Variants in RTF2 observed in about 807,000 individuals in gnomAD.
RTF2 encodes the protein UPF0549 protein C20orf43.
Under a neutral mutation model 38.0 loss-of-function variants are expected in RTF2, and 18 were observed. The ratio of observed to expected loss-of-function variants is 0.47; its 90% CI spans 0.33 to 0.70. The LOEUF (loss-of-function observed/expected upper bound fraction) is 0.70, where lower values mean the gene tolerates loss of function less well. Among genes scored for constraint, RTF2 ranks in the 30% least tolerant of loss-of-function variants. The pLI, the probability that RTF2 is intolerant of heterozygous loss-of-function variation, is 0.02. For synonymous variants in RTF2, 126 were observed against 137.1 expected, an observed-to-expected ratio of 0.92 and a Z score of 0.57; for missense variants, 311 against 379.6, an observed-to-expected ratio of 0.82 and a Z score of 1.50.
chr20:56,482,045 G>A (rs1396805335), intron 4 of RTF2, among the ~76,000 whole-genome samples: 2 of 152,114 alleles, frequency 1.3e-5, no homozygotes, highest in Non-Finnish European at 2.9e-5. Flanking sequence ...TTCTCCTTTG[G>A]TTTGCTGGTC....
chr20:56,470,378 G>T (rs1053036121), intron 1 of RTF2, among the ~76,000 whole-genome samples: 6 of 152,110 alleles, frequency 3.9e-5, no homozygotes, highest in African/African-American at 1.4e-4. Flanking sequence ...TAGGCAGGAT[G>T]GATTTTTATT....
intron 5 of RTF2, among the ~76,000 whole-genome samples, chr20:56,512,723 T>C (rs1228888142): frequency 6.6e-6 from 1 of 152,200 alleles, no homozygotes; most frequent in African/African-American, 2.4e-5. Context: ...GTGGTATGGA[T>C]GCACAGCTGG....
chr20:56,474,216 C>T (rs1391102218), intron 2 of RTF2, among the ~76,000 whole-genome samples: 1 of 152,206 alleles, frequency 6.6e-6, no homozygotes, highest in Non-Finnish European at 1.5e-5. Flanking sequence ...CCCATTGGCT[C>T]ATGCCTGTGA....
At chr20:56,514,421 A>C (rs1412434881) in intron 6 of RTF2, 1 of 152,160 alleles carries the variant, frequency 6.6e-6, no homozygotes, top group African/African-American at 2.4e-5. Flanking sequence ...AAGGCAAAAG[A>C]ATGCTTGAAG....
At chr20:56,508,430 T>A (rs1000800917) in intron 5 of RTF2, among the ~76,000 whole-genome samples, 2 of 152,214 alleles carry the variant, frequency 1.3e-5, no homozygotes, top group African/African-American at 4.8e-5. Context: ...TTGAAAGAAT[T>A]TTGTTATTAT....
chr20:56,515,692 A>G (rs1473634094), intron 6 of RTF2: 1 of 151,756 alleles, frequency 6.6e-6, no homozygotes, highest in African/African-American at 2.4e-5. Context: ...ACACACACAC[A>G]CGGAAAAAAT....
At chr20:56,503,382 A>G (rs768015482) in intron 5 of RTF2, among the ~76,000 whole-genome samples, 23 of 152,352 alleles carry the variant, frequency 1.5e-4, no homozygotes, top group Middle Eastern at 3.4e-3. Context: ...ACTCAAAACA[A>G]CGACAAGAAA....
In RTF2 at chr20:56,483,058, T is replaced by C. The variant is rs371930928; in HGVS notation, c.399-1053T>C. Among the ~76,000 whole-genome samples, 55 of 152,334 alleles carry C rather than the reference T, an allele frequency of 3.6e-4. No individual in the cohort carries two copies. In the South Asian group the frequency reaches 0.01, roughly 28 times the overall value. ...CTTGAATACAGATTTACCTTCTTTT[T>C]AATAGCCGTTTGGGTGTTTATAATT... On this transcript the variant is annotated intron_variant, in intron 4 of 8. Transcript: ENST00000357348.
chr20:56,482,802 T>A lies in RTF2; in HGVS notation c.399-1309T>A, dbSNP rs533244269. 2.6e-5 allele frequency among the ~76,000 whole-genome samples: 4 copies of A among 152,330 alleles called. No homozygotes were observed. The East Asian group carries it at 7.7e-4, about 29-fold the overall frequency. On this transcript the variant is annotated intron_variant, in intron 4 of 8. Coordinates refer to ENST00000357348, the MANE Select transcript of RTF2 (RefSeq NM_016407.5). The stretch of plus-strand genomic sequence containing the variant: ...TTCAAGGAATGCCTAAAGTGAAATA[T>A]GAAAGTGCTTTATGCTGCTCTCCAG...
intron 5 of RTF2, chr20:56,496,958 G>A: frequency 6.4e-7 from 1 of 1,551,386 alleles, no homozygotes; most frequent in Non-Finnish European, 8.7e-7. Flanking sequence ...TGTAGTGTAT[G>A]ATTTCTCTGT....
intron 5 of RTF2, among the ~76,000 whole-genome samples, chr20:56,495,690 T>C (rs1017802591): frequency 6.6e-6 from 1 of 152,190 alleles, no homozygotes; most frequent in African/African-American, 2.4e-5. Flanking sequence ...AAAATCAAAC[T>C]TGCAGTGGAC....
chr20:56,500,765 T>C (rs1983875604), intron 5 of RTF2, among the ~76,000 whole-genome samples: 2 of 152,188 alleles, frequency 1.3e-5, no homozygotes, highest in African/African-American at 4.8e-5. Context: ...CCCAGCAGTT[T>C]AGTTTGTCAT....
chr20:56,499,473 G>T lies in RTF2; in HGVS notation c.478-13842G>T, dbSNP rs535541688. Among the ~76,000 whole-genome samples the T allele has an allele frequency of 1.1e-3, 172 of 151,792 alleles. 1 individual carries two copies. Among genetic ancestry groups the T allele is most frequent in the African/African-American group, 4.1e-3 (168 of 41,426 alleles). On this transcript the variant is annotated intron_variant, in intron 5 of 8. Coordinates refer to ENST00000357348, the MANE Select transcript of RTF2 (RefSeq NM_016407.5). ...TGGGATTACAGGCGTGAGCCACCAC[G>T]CCTGGCAATACTTATGTTTATAAAC...
intron 1 of RTF2, chr20:56,472,325 G>A: frequency 1.2e-5 from 19 of 1,521,356 alleles, no homozygotes; most frequent in Non-Finnish European, 1.7e-5. Context: ...AAATTATTCA[G>A]ATTTGGCATT....
chr20:56,493,656 CAAAAAA>C (rs57274640), intron 5 of RTF2, among the ~76,000 whole-genome samples: 2 of 118,062 alleles, frequency 1.7e-5, no homozygotes, highest in African/African-American at 6.3e-5. Context: ...GACCCTGTCT[CAAAAAA>C]AAAAAAAAAA....
chr20:56,488,756 C>T (rs369548219), intron 5 of RTF2, among the ~76,000 whole-genome samples: 1 of 152,222 alleles, frequency 6.6e-6, no homozygotes, highest in Admixed American at 6.5e-5. Flanking sequence ...TTTCACTCTA[C>T]CCATCAACAG....
intron 5 of RTF2, chr20:56,495,091 C>T: frequency 1.3e-6 from 1 of 751,120 alleles, no homozygotes; most frequent in South Asian, 1.7e-5. Context: ...TCACTAATTC[C>T]AGATTACTTT....
chr20:56,499,319 C>T (rs1264458944), intron 5 of RTF2, among the ~76,000 whole-genome samples: 1 of 151,400 alleles, frequency 6.6e-6, no homozygotes, highest in Non-Finnish European at 1.5e-5. Flanking sequence ...GCCTCAGCCT[C>T]CCAGGTGCAT....
chr20:56,484,722 T>C (rs1298832386), intron 5 of RTF2, among the ~76,000 whole-genome samples: 1 of 152,226 alleles, frequency 6.6e-6, no homozygotes, highest in African/African-American at 2.4e-5. Flanking sequence ...GGCGAGTAAC[T>C]AGACATGAGA....
Sources: gnomAD v4.1 joint callset for allele counts (sites outside exome capture counted in the v4.1 genomes callset) on GRCh38, gnomAD v4.1.1 for gene constraint, MANE v1.5 for transcripts, NCBI Gene and HGNC (gene_info 2026-07-23, HGNC 2026-07-21) for gene names.